Variants in CSNK2A2 observed in about 807,000 individuals in gnomAD.
CSNK2A2 encodes casein kinase II subunit alpha'.
Under a neutral mutation model 54.0 loss-of-function variants are expected in CSNK2A2, and 8 were observed. The observed-to-expected ratio is 0.15, with a 90% CI of 0.09 to 0.27. The LOEUF (loss-of-function observed/expected upper bound fraction) is 0.27, where lower values mean the gene tolerates loss of function less well. Ranked by LOEUF, CSNK2A2 falls within the 10% of genes least tolerant of loss-of-function variation. CSNK2A2 has a pLI of 1.00. For synonymous variants in CSNK2A2, 141 were observed against 153.9 expected (o/e 0.92, Z 0.62); for missense variants, 242 against 439.4 (o/e 0.55, Z 4.02).
intron 2 of CSNK2A2, among the ~76,000 whole-genome samples, chr16:58,189,538 C>T (rs985136457): frequency 2.0e-5 from 3 of 152,190 alleles, no homozygotes; most frequent in Non-Finnish European, 2.9e-5. Context: ...GGTTATTCAG[C>T]AACAGGTCAG....
intron 10 of CSNK2A2, among the ~76,000 whole-genome samples, chr16:58,164,757 C>T (rs900918196): frequency 2.6e-5 from 4 of 152,152 alleles, no homozygotes; most frequent in Non-Finnish European, 4.4e-5. Flanking sequence ...TTTCCATTTG[C>T]GGTCTCCCTT....
intron 4 of CSNK2A2, 128 bp from the exon 5 acceptor site, chr16:58,174,638 C>A: frequency 1.8e-6 from 1 of 560,716 alleles, no homozygotes. Context: ...TTTTTACTAC[C>A]TGATCTGAAA....
At chr16:58,175,431 G>A (rs563276230) in intron 4 of CSNK2A2, among the ~76,000 whole-genome samples, 1 of 152,140 alleles carries the variant, frequency 6.6e-6, no homozygotes. Flanking sequence ...TATTGAAAGA[G>A]AGACTCAAGC....
intron 2 of CSNK2A2, among the ~76,000 whole-genome samples, chr16:58,187,415 T>C (rs1277188413): frequency 6.6e-6 from 1 of 152,198 alleles, no homozygotes; most frequent in East Asian, 1.9e-4. Context: ...CCAGTTAATG[T>C]TTTCCAACAG....
chr16:58,195,387 T>A (rs780993730), intron 2 of CSNK2A2, among the ~76,000 whole-genome samples: 1 of 152,228 alleles, frequency 6.6e-6, no homozygotes, highest in African/African-American at 2.4e-5. Context: ...TTAATCATTT[T>A]TTCTGAAAGA....
At chr16:58,174,173 A>G in intron 5 of CSNK2A2, 1 of 280,700 alleles carries the variant, frequency 3.6e-6, no homozygotes, top group South Asian at 1.1e-4. Context: ...AGGTATTAAT[A>G]AAGCAGCAAA....
At chr16:58,172,805 G>A (rs1485861949) in intron 5 of CSNK2A2, among the ~76,000 whole-genome samples, 2 of 152,108 alleles carry the variant, frequency 1.3e-5, no homozygotes, top group East Asian at 1.9e-4. Flanking sequence ...GGGATTCTAC[G>A]TCTCATTAGC....
At chr16:58,160,710 A>G (rs1961315857) in intron 11 of CSNK2A2, 2 of 152,232 alleles carry the variant, frequency 1.3e-5, no homozygotes, top group Admixed American at 1.3e-4. Context: ...TATCCCCTCA[A>G]GAAGTTAATT....
At chr16:58,181,287 G>A (rs569846984) in intron 4 of CSNK2A2, among the ~76,000 whole-genome samples, 30 of 152,298 alleles carry the variant, frequency 2.0e-4, no homozygotes, top group Non-Finnish European at 2.9e-4. Flanking sequence ...TGTTCAGGAC[G>A]GGGGACCTCC....
chr16:58,195,193 AC>A (rs1282707333), intron 2 of CSNK2A2, among the ~76,000 whole-genome samples: 1 of 148,460 alleles, frequency 6.7e-6, no homozygotes, highest in Non-Finnish European at 1.5e-5. Flanking sequence ...AAAAAAAAAA[AC>A]CACCTTGTGA....
chr16:58,162,528 A>G (rs1392336457), intron 11 of CSNK2A2: 1 of 152,220 alleles, frequency 6.6e-6, no homozygotes, highest in Non-Finnish European at 1.5e-5. Flanking sequence ...TCTGCTACCA[A>G]TACCAATAAG....
At chr16:58,163,253 CAAAAAAAAAAAAAAAAA>C (rs55808367) in intron 11 of CSNK2A2, 1 of 66,598 alleles carries the variant, frequency 1.5e-5, no homozygotes, top group Non-Finnish European at 2.8e-5. Context: ...ACAAGGCTGC[CAAAAAAAAAAAAAAAAA>C]AAAAAAAGAA....
chr16:58,182,467 A>C (rs1962075176), intron 4 of CSNK2A2, among the ~76,000 whole-genome samples: 1 of 144,702 alleles, frequency 6.9e-6, no homozygotes, highest in African/African-American at 2.6e-5. Context: ...AAGCAGGAGA[A>C]TTGATTGAAC....
intron 4 of CSNK2A2, among the ~76,000 whole-genome samples, chr16:58,178,884 ATAAT>A (rs748449099): frequency 2.0e-5 from 3 of 152,206 alleles, no homozygotes; most frequent in Non-Finnish European, 4.4e-5. Flanking sequence ...CAAATTCCAA[ATAAT>A]TAACATTATA....
At chr16:58,174,892 T>C (rs1961836315) in intron 4 of CSNK2A2, among the ~76,000 whole-genome samples, 1 of 152,222 alleles carries the variant, frequency 6.6e-6, no homozygotes, top group African/African-American at 2.4e-5. Flanking sequence ...CACCACAGTA[T>C]ACTCTAGAGA....
At position 58,166,644 on chromosome 16, in the gene CSNK2A2, T is replaced by C; in HGVS notation, c.767A>G (p.Tyr256Cys). Residue 256 changes from tyrosine (Y) to cysteine (C), a missense_variant, in exon 9 of 12, where the codon TAT (tyrosine) becomes TGT (cysteine). By Grantham distance (194) the Tyr-to-Cys change is radical. Transcript: ENST00000262506. ...IAKVLGTEEL[Y>C]GYLKKYHIDL... ...TATGTGATACTTCTTCAGATACCCA[T>C]ACAGTTCTTCTGTACCCAGAACCTT... The C allele has an allele frequency of 6.2e-7, 1 of 1,613,980 alleles. No individual in the cohort carries two copies. Among genetic ancestry groups the C allele is most frequent in the Non-Finnish European group, 8.5e-7 (1 of 1,179,918 alleles).
rs761394417 is a variant in CSNK2A2 at position 58,166,438 on chromosome 16, A to G, written c.827+146T>C. 16 of 529,818 alleles carry G rather than the reference A, an allele frequency of 3.0e-5. No homozygotes were observed. In the Admixed American group the frequency reaches 3.4e-4, roughly 11 times the overall value. 32.8% of individuals were successfully genotyped at this position (529,818 alleles called of 1,614,324 possible). ...AAAGACATAAAGTCCAAATATCTCA[A>G]TAAGTTAAAAGAAAATATGCATAGG... On this transcript the variant is annotated intron_variant, in intron 9 of 11. Transcript: ENST00000262506.
intron 2 of CSNK2A2, among the ~76,000 whole-genome samples, chr16:58,195,874 A>C (rs943662562): frequency 6.6e-6 from 1 of 152,230 alleles, no homozygotes; most frequent in African/African-American, 2.4e-5. Flanking sequence ...ACTAGCTTAT[A>C]AGCAACAATG....
intron 10 of CSNK2A2, among the ~76,000 whole-genome samples, chr16:58,164,861 C>T (rs907456698): frequency 5.9e-5 from 9 of 152,184 alleles, no homozygotes; most frequent in African/African-American, 1.4e-4. Flanking sequence ...GAGGGAAAGA[C>T]AGCATGTTTG....
Sources: gnomAD v4.1 joint callset for allele counts (sites outside exome capture counted in the v4.1 genomes callset) on GRCh38, gnomAD v4.1.1 for gene constraint, MANE v1.5 for transcripts, NCBI Gene and HGNC (gene_info 2026-07-23, HGNC 2026-07-21) for gene names.